The following CIT variants were observed in gnomAD, a reference collection of about 807,000 sequenced individuals.
CIT encodes the protein citron Rho-interacting kinase.
A neutral mutation model predicts 272.7 loss-of-function variants in CIT; 79 were observed. The observed-to-expected ratio is 0.29, with a 90% CI of 0.24 to 0.35. The LOEUF is 0.35. Among genes scored for constraint, CIT ranks in the 10% least tolerant of loss-of-function variants. CIT has a pLI of 1.00. For synonymous variants in CIT, 948 were observed against 995.6 expected (o/e 0.95, Z 0.90); for missense variants, 1,909 against 2,618.3 (o/e 0.73, Z 5.91).
At position 119,784,794 on chromosome 12, in the gene CIT, A is replaced by G; in HGVS notation, c.1401+166T>C. On this transcript the variant is annotated intron_variant, in intron 11 of 47. Coordinates refer to ENST00000392521, the MANE Select transcript of CIT (RefSeq NM_001206999.2). This position sits in a 1 kb window ranked among gnomAD's most constrained non-coding sequence, Gnocchi z 4.7. ...TACAGCAACAGCAAGGCCCGAATTCATCTCCCTCTGAGCTGCTGGAGGCGC... is the reference window on the plus strand; with the variant it reads ...TACAGCAACAGCAAGGCCCGAATTCGTCTCCCTCTGAGCTGCTGGAGGCGC... 2 of 1,434,840 alleles carry G rather than the reference A, an allele frequency of 1.4e-6. No homozygotes were observed. The highest frequency in any genetic ancestry group is 3.1e-5 in the South Asian group (2 of 63,864). The allele number at this position is 1,434,840 out of a possible 1,614,324, so 88.9% of individuals were successfully genotyped here.
chr12:119,862,808 TAAAAAAAA>T (rs1157467178), intron 3 of CIT, among the ~76,000 whole-genome samples: 17 of 10,246 alleles, frequency 1.7e-3, no homozygotes, highest in Admixed American at 3.4e-3. Flanking sequence ...AGACTCTACC[TAAAAAAAA>T]AAAAAAAAAA....
At chr12:119,699,201 A>G (rs1184001805) in intron 44 of CIT, among the ~76,000 whole-genome samples, 1 of 145,086 alleles carries the variant, frequency 6.9e-6, no homozygotes, top group Non-Finnish European at 1.5e-5. Context: ...GGTTGCAGTG[A>G]GCTGAGATTG....
At chr12:119,853,061 T>C (rs1303257510) in intron 4 of CIT, among the ~76,000 whole-genome samples, 5 of 152,132 alleles carry the variant, frequency 3.3e-5, no homozygotes, top group Admixed American at 6.5e-5. Flanking sequence ...TTCTATAAAT[T>C]TGTGATTGTA....
rs1352999322 is a variant in CIT, at chr12:119,695,531, C to T, written c.5882+2128G>A. Among the ~76,000 whole-genome samples, 15 of 152,314 alleles carry T rather than the reference C, an allele frequency of 9.8e-5. No individual in the cohort carries two copies. The South Asian group carries it at 3.1e-3, about 32-fold the overall frequency. On this transcript the variant is annotated intron_variant, in intron 46 of 47. Coordinates refer to ENST00000392521, the MANE Select transcript of CIT (RefSeq NM_001206999.2). Reference sequence around the variant, plus strand: ...TGGTGTAGGACCAGACACAGTGCTTCAAGCCTATAAACCTAGCACTTTGGG... The same window carrying T: ...TGGTGTAGGACCAGACACAGTGCTTTAAGCCTATAAACCTAGCACTTTGGG...
In CIT at chr12:119,734,178, G is replaced by C; in HGVS notation, c.3336C>G (p.Thr1112=). 6.2e-7 allele frequency: 1 copy of C among 1,613,416 alleles called. No individual in the cohort carries two copies. Among genetic ancestry groups the C allele is most frequent in the Non-Finnish European group, 8.5e-7 (1 of 1,179,944 alleles). Residue 1112 remains threonine (T), a synonymous_variant, in exon 26 of 48, where the codon ACC becomes ACG. Transcript: ENST00000392521. ...RVRELQRMLD[T]EKQSRARADQ... The stretch of plus-strand genomic sequence containing the variant: ...CAAAGCCCCACCTGCTCTGTTTCTC[G>C]GTGTCCAGCATTCTCTGCAGCTCTC...
At chr12:119,821,169 C>T (rs1316681969) in intron 9 of CIT, among the ~76,000 whole-genome samples, 2 of 151,814 alleles carry the variant, frequency 1.3e-5, no homozygotes, top group East Asian at 3.9e-4. Context: ...GTGGTGCATG[C>T]CTATAATCCC....
chr12:119,761,243 G>A (rs536482411), intron 19 of CIT, among the ~76,000 whole-genome samples, 188 bp from the exon 20 acceptor site: 24 of 152,166 alleles, frequency 1.6e-4, no homozygotes, highest in Non-Finnish European at 2.5e-4. Context: ...AGATTGAAAA[G>A]TCAAATATTA....
intron 10 of CIT, among the ~76,000 whole-genome samples, chr12:119,793,181 C>T (rs1593769407): frequency 6.6e-6 from 1 of 152,058 alleles, no homozygotes; most frequent in African/African-American, 2.4e-5. Context: ...CATATGCACT[C>T]ACACACACAA....
chr12:119,719,998 C>T (rs1266847103), intron 30 of CIT, among the ~76,000 whole-genome samples: 3 of 152,178 alleles, frequency 2.0e-5, no homozygotes, highest in African/African-American at 7.2e-5. Flanking sequence ...CAGGTCACCC[C>T]AGCTCCCTGA....
At position 119,697,415 on chromosome 12, in the gene CIT, A is replaced by C. The variant is rs1956286907; in HGVS notation, c.5882+244T>G. ...GCTCCATTTCTCACCAAGCCAATGA[A>C]AATACCCAGGAGAGAAAGATCAGAC... On this transcript the variant is annotated intron_variant, in intron 46 of 47. Transcript: ENST00000392521. The surrounding 1 kb of genome is among the most constrained non-coding windows in gnomAD (Gnocchi z 4.9). Among the ~76,000 whole-genome samples, 1 of 152,212 alleles carries C rather than the reference A, an allele frequency of 6.6e-6. No homozygotes were observed. Among genetic ancestry groups the C allele is most frequent in the Non-Finnish European group, 1.5e-5 (1 of 68,040 alleles).
chr12:119,807,434 T>C (rs1299123975), intron 9 of CIT, among the ~76,000 whole-genome samples: 1 of 152,182 alleles, frequency 6.6e-6, no homozygotes, highest in Non-Finnish European at 1.5e-5. Context: ...GTACCTTATA[T>C]AAAATGTCTC....
At chr12:119,865,880 A>C (rs1348305011) in intron 3 of CIT, among the ~76,000 whole-genome samples, 1 of 152,060 alleles carries the variant, frequency 6.6e-6, no homozygotes, top group African/African-American at 2.4e-5. Flanking sequence ...AAAAAAAAAA[A>C]AAAGGATATA....
intron 16 of CIT, 106 bp downstream of exon 16, chr12:119,775,680 G>T: frequency 1.2e-6 from 1 of 811,452 alleles, no homozygotes; most frequent in Non-Finnish European, 2.1e-6. Flanking sequence ...CTCAGCGCTG[G>T]GTGACTAATT....
At chr12:119,867,018 A>G (rs1379042780) in intron 3 of CIT, among the ~76,000 whole-genome samples, 1 of 152,006 alleles carries the variant, frequency 6.6e-6, no homozygotes, top group Non-Finnish European at 1.5e-5. Context: ...ATGAAGAGAG[A>G]GAGGCCCAGC....
Position 119,757,469 on chromosome 12 carries a change from C to A in CIT, c.2608G>T (p.Ala870Ser). Reference protein sequence around the residue: ...YLETQAGKLEAQNRKLEEQLE... With the variant: ...YLETQAGKLESQNRKLEEQLE... ...TGCTCCTCCAGTTTTCGGTTCTGGG[C>A]CTCCAACTTCCCAGCCTGTGTCTCC... Residue 870 changes from alanine to serine, a missense_variant, in exon 22 of 48, where the codon GCC becomes TCC. Physicochemically the swap from Ala to Ser is moderately conservative, Grantham distance 99 (BLOSUM62 1). Coordinates refer to ENST00000392521, the MANE Select transcript of CIT (RefSeq NM_001206999.2). 1 of 1,614,186 alleles carries A rather than the reference C, an allele frequency of 6.2e-7. No individual in the cohort carries two copies. The highest frequency in any genetic ancestry group is 1.3e-5 in the African/African-American group (1 of 75,042).
At chr12:119,706,429 TCCCTCCTCCCA>T (rs1373336106) in intron 40 of CIT, among the ~76,000 whole-genome samples, 1 of 151,872 alleles carries the variant, frequency 6.6e-6, no homozygotes, top group African/African-American at 2.4e-5. Context: ...CCCGATCCCC[TCCCTCCTCCCA>T]CCCTCCACCC....
chr12:119,825,026 T>C, intron 8 of CIT, 139 bp downstream of exon 8: 1 of 636,932 alleles, frequency 1.6e-6, no homozygotes, highest in Non-Finnish European at 2.7e-6. Flanking sequence ...GGTCTCGATC[T>C]CCTGACCTCG....
chr12:119,862,926 G>A (rs970873873), intron 3 of CIT, among the ~76,000 whole-genome samples: 45 of 148,204 alleles, frequency 3.0e-4, no homozygotes, highest in African/African-American at 9.6e-4. Context: ...ATTGGGCCGG[G>A]TGCAGTGACT....
At chr12:119,689,724 C>G (rs906581114) in intron 47 of CIT, among the ~76,000 whole-genome samples, 1 of 124,484 alleles carries the variant, frequency 8.0e-6, no homozygotes. Context: ...GTCACCCAGG[C>G]TGGAGTGCAG....
Sources: allele counts gnomAD v4.1 joint callset (sites outside exome capture counted in the v4.1 genomes callset), GRCh38; gene constraint gnomAD v4.1.1; non-coding constraint Gnocchi (gnomAD v3.1); transcripts MANE v1.5; gene names NCBI Gene and HGNC (gene_info 2026-07-23, HGNC 2026-07-21).